Variants in IFT140 observed in about 807,000 individuals in gnomAD.
IFT140 encodes intraflagellar transport 140.
In IFT140, 133 loss-of-function variants were observed where a neutral mutation model predicts 164.6. The ratio of observed to expected loss-of-function variants is 0.81; its 90% CI spans 0.70 to 0.93. The LOEUF is 0.93. IFT140 is among the 40% of genes least tolerant of loss of function. IFT140 has a pLI of 0.00. For synonymous variants in IFT140, 860 were observed against 817.3 expected, an observed-to-expected ratio of 1.05 and a Z score of -0.89; for missense variants, 2,045 against 1,972.3, an observed-to-expected ratio of 1.04 and a Z score of -0.70.
chr16:1,524,184 C>T lies in IFT140; in HGVS notation c.3142-228G>A, dbSNP rs112036444. The T allele has an allele frequency of 1.7e-4, 107 of 637,340 alleles. 1 individual carries two copies. In the African/African-American group the frequency reaches 1.7e-3, roughly 10 times the overall value. 39.5% of individuals were successfully genotyped at this position (637,340 alleles called of 1,614,324 possible). A position where few individuals can be genotyped will look rare whatever the true frequency, so the allele number is the denominator to read the frequency against. ...AGAGCACTGCAAGAAATACCTGACACGGGAGATGCTTCTGGAAGCGAGAGC... is the reference window on the plus strand; with the variant it reads ...AGAGCACTGCAAGAAATACCTGACATGGGAGATGCTTCTGGAAGCGAGAGC... On this transcript the variant is annotated intron_variant, in intron 24 of 30. Transcript: ENST00000426508.
chr16:1,564,187 T>C lies in IFT140; in HGVS notation c.1902-25A>G, dbSNP rs2141543937. 6.5e-7 allele frequency: 1 copy of C among 1,542,764 alleles called. No individual in the cohort carries two copies. Among genetic ancestry groups the C allele is most frequent in the African/African-American group, 1.4e-5 (1 of 72,852 alleles). On this transcript the variant is annotated intron_variant, in intron 16 of 30. Coordinates refer to ENST00000426508, the MANE Select transcript of IFT140 (RefSeq NM_014714.4). The surrounding 1 kb of genome is among the most constrained non-coding windows in gnomAD (Gnocchi z 5.5). ...CCTAAAAGACAAAGGAAGACCCGTT[T>C]CAACCCCAGGGCGGGCACTCCTGCT...
intron 21 of IFT140, 57 bp downstream of exon 21, chr16:1,525,830 C>A: frequency 6.9e-7 from 1 of 1,452,074 alleles, no homozygotes; most frequent in South Asian, 1.4e-5. Context: ...CACAAGAGGC[C>A]TCACAAGCCA....
At chr16:1,534,632 T>C (rs1360747120) in intron 19 of IFT140, 12 of 1,583,244 alleles carry the variant, frequency 7.6e-6, no homozygotes, top group Non-Finnish European at 9.4e-6. Context: ...GGCGCGGACC[T>C]GGTGAGCGGG....
chr16:1,554,186 C>G, intron 19 of IFT140: 3 of 1,232,262 alleles, frequency 2.4e-6, no homozygotes, highest in Non-Finnish European at 3.2e-6. Context: ...CTCCGCCCTG[C>G]CTGAGCTGCA....
intron 19 of IFT140, among the ~76,000 whole-genome samples, chr16:1,529,179 C>G (rs753906394): frequency 6.6e-6 from 1 of 152,230 alleles, no homozygotes; most frequent in Admixed American, 6.5e-5. Flanking sequence ...CATTCCACCA[C>G]CCAGGGACGC....
chr16:1,552,923 G>A (rs567177417), intron 19 of IFT140: 23 of 974,514 alleles, frequency 2.4e-5, no homozygotes, highest in African/African-American at 3.5e-5. Context: ...AAAGTGCTGC[G>A]ATTATAGGCG....
At chr16:1,532,187 A>G (rs1280681586) in intron 19 of IFT140, 1 of 152,254 alleles carries the variant, frequency 6.6e-6, no homozygotes, top group East Asian at 1.9e-4. Flanking sequence ...GGCCGGCAGC[A>G]CCACTGTGCC....
chr16:1,593,093 G>A (rs1263350217), intron 4 of IFT140, among the ~76,000 whole-genome samples: 1 of 152,176 alleles, frequency 6.6e-6, no homozygotes, highest in Non-Finnish European at 1.5e-5. Flanking sequence ...AGGGACAGGT[G>A]TCCTGGCAGA....
chr16:1,572,188 C>T (rs1227636491), intron 13 of IFT140, among the ~76,000 whole-genome samples: 4 of 152,266 alleles, frequency 2.6e-5, no homozygotes, highest in South Asian at 2.1e-4. Flanking sequence ...GCCACAGGGG[C>T]GTTCCTGCAG....
intron 30 of IFT140, among the ~76,000 whole-genome samples, chr16:1,514,100 A>G (rs940892821): frequency 3.3e-5 from 5 of 149,696 alleles, no homozygotes; most frequent in Admixed American, 6.7e-5. Context: ...CAGGTGCGGT[A>G]CCTCACGCCT....
chr16:1,608,085 G>C (rs763153), intron 2 of IFT140, among the ~76,000 whole-genome samples: 8,007 of 141,932 alleles, frequency 0.056, 441 homozygotes, highest in Admixed American at 0.18. Context: ...GTAGAAGACA[G>C]AAGTCTTCCT....
At chr16:1,594,035 G>T (rs1342623011) in intron 4 of IFT140, among the ~76,000 whole-genome samples, 2 of 152,168 alleles carry the variant, frequency 1.3e-5, no homozygotes, top group East Asian at 3.9e-4. Flanking sequence ...TGGACACGTG[G>T]GTATTTACTT....
intron 17 of IFT140, among the ~76,000 whole-genome samples, chr16:1,563,670 C>T (rs546288988): frequency 6.6e-5 from 10 of 152,218 alleles, no homozygotes; most frequent in South Asian, 4.1e-4. Flanking sequence ...GAGGTGGCAT[C>T]GAGGTTACAG....
intron 3 of IFT140, among the ~76,000 whole-genome samples, chr16:1,606,916 C>T (rs2036095986): frequency 6.6e-6 from 1 of 151,236 alleles, no homozygotes. Context: ...ATGCACACAC[C>T]CACGTGTGCG....
rs1007968998 is a variant in IFT140, at chr16:1,553,638, C to A, written c.2399+4297G>T. On this transcript the variant is annotated intron_variant, in intron 19 of 30. Transcript: ENST00000426508. This position sits in a 1 kb window ranked among gnomAD's most constrained non-coding sequence, Gnocchi z 4.4. The stretch of plus-strand genomic sequence containing the variant: ...AACAGACTCACTCAGGTTACTGTAA[C>A]AGAGAGGGAGGGGTGCTGGGTGGGC... 7 of 1,059,054 alleles carry A rather than the reference C, an allele frequency of 6.6e-6. No homozygotes were observed. The East Asian group carries it at 4.4e-4, about 66-fold the overall frequency. 65.6% of individuals were successfully genotyped at this position (1,059,054 alleles called of 1,614,324 possible).
chr16:1,524,617 C>T lies in IFT140; in HGVS notation c.3076G>A (p.Val1026Ile), dbSNP rs779289178. 5 of 1,604,174 alleles carry T rather than the reference C, an allele frequency of 3.1e-6. No individual in the cohort carries two copies. The highest frequency in any genetic ancestry group is 4.5e-5 in the East Asian group (2 of 44,640). ...LARQYESQEEVGQAVHFYTRA... is the reference protein window; with the variant it reads ...LARQYESQEEIGQAVHFYTRA... ...GTGTAGAAGTGCACCGCCTGCCCGACCTCCTCCTGGCTCTCGTACTGGCGG... is the reference window on the plus strand; with the variant it reads ...GTGTAGAAGTGCACCGCCTGCCCGATCTCCTCCTGGCTCTCGTACTGGCGG... Residue 1026 changes from valine (V) to isoleucine (I), a missense_variant, in exon 24 of 31, where the codon GTC (valine) becomes ATC (isoleucine). Physicochemically the swap from Val to Ile is conservative, Grantham distance 29. Coordinates refer to ENST00000426508, the MANE Select transcript of IFT140 (RefSeq NM_014714.4).
intron 19 of IFT140, among the ~76,000 whole-genome samples, chr16:1,536,702 C>T (rs1271728423): frequency 3.3e-5 from 5 of 152,196 alleles, no homozygotes; most frequent in South Asian, 2.1e-4. Context: ...CACGGGGACG[C>T]GCCCAGAGTC....
At chr16:1,554,963 C>G in intron 19 of IFT140, 8 of 1,614,030 alleles carry the variant, frequency 5.0e-6, no homozygotes, top group Non-Finnish European at 6.8e-6. Context: ...TTGTCATCAG[C>G]CGCTCCCTGA....
chr16:1,563,012 G>T (rs564202286), intron 17 of IFT140, among the ~76,000 whole-genome samples: 1 of 152,036 alleles, frequency 6.6e-6, no homozygotes, highest in Non-Finnish European at 1.5e-5. Flanking sequence ...TTCAGACAAG[G>T]GCGCATCATC....
Sources: gnomAD v4.1 joint callset for allele counts (sites outside exome capture counted in the v4.1 genomes callset) on GRCh38, gnomAD v4.1.1 for gene constraint, Gnocchi (gnomAD v3.1) non-coding constraint, MANE v1.5 for transcripts, NCBI Gene and HGNC (gene_info 2026-07-23, HGNC 2026-07-21) for gene names.